The following SHCBP1L variants were observed in gnomAD, a reference collection of about 807,000 sequenced individuals.
The protein encoded by SHCBP1L is testicular spindle-associated protein SHCBP1L.
A neutral mutation model predicts 62.5 loss-of-function variants in SHCBP1L; 67 were observed. That is an observed-to-expected ratio of 1.07 (90% CI 0.88 to 1.31). The LOEUF (loss-of-function observed/expected upper bound fraction) is 1.31, where lower values mean the gene tolerates loss of function less well. Ranked by LOEUF, SHCBP1L falls within the 40% of genes most tolerant of loss-of-function variation. SHCBP1L has a pLI of 0.00. For synonymous variants in SHCBP1L, 284 were observed against 289.4 expected (o/e 0.98, Z 0.19); for missense variants, 823 against 809.8 (o/e 1.02, Z -0.20).
intron 5 of SHCBP1L, among the ~76,000 whole-genome samples, chr1:182,931,068 CTT>C (rs1437060828): frequency 2.0e-5 from 3 of 151,836 alleles, no homozygotes; most frequent in Admixed American, 6.6e-5. Flanking sequence ...TTTTGTAAAA[CTT>C]ATGATTTCAG....
chr1:182,920,472 G>GA (rs1425696836), intron 6 of SHCBP1L, among the ~76,000 whole-genome samples: 1 of 152,148 alleles, frequency 6.6e-6, no homozygotes, highest in African/African-American at 2.4e-5. Context: ...AAGCAGATGC[G>GA]AAAAAAGCAG....
intron 5 of SHCBP1L, 42 bp downstream of exon 5, chr1:182,939,134 A>G: frequency 2.1e-6 from 3 of 1,461,906 alleles, no homozygotes; most frequent in Non-Finnish European, 2.8e-6. Context: ...AATAATAACC[A>G]TGTAAACTTT....
intron 6 of SHCBP1L, among the ~76,000 whole-genome samples, chr1:182,915,081 GA>G (rs1410784970): frequency 7.5e-6 from 1 of 133,856 alleles, no homozygotes; most frequent in East Asian, 2.6e-4. Flanking sequence ...AGAATCACTT[GA>G]ACCTGGGAGG....
chr1:182,940,102 C>A lies in SHCBP1L; in HGVS notation c.770+227G>T, dbSNP rs1308173165. Among the ~76,000 whole-genome samples, 4 of 151,840 alleles carry A rather than the reference C, an allele frequency of 2.6e-5. No individual in the cohort carries two copies. The East Asian group carries it at 7.7e-4, about 29-fold the overall frequency. Reference sequence around the variant, plus strand: ...ATTTTATTTTTATAAAATGCAAGATCAAAAAATTGCAAACTTTTCATTACC... The same window carrying A: ...ATTTTATTTTTATAAAATGCAAGATAAAAAAATTGCAAACTTTTCATTACC... On this transcript the variant is annotated intron_variant, in intron 3 of 9. Coordinates refer to ENST00000367547, the MANE Select transcript of SHCBP1L (RefSeq NM_030933.4).
chr1:182,944,911 A>G (rs1476708233), intron 2 of SHCBP1L, among the ~76,000 whole-genome samples: 1 of 151,426 alleles, frequency 6.6e-6, no homozygotes, highest in Admixed American at 6.6e-5. Flanking sequence ...CCAGCAGTCA[A>G]TAATTGTATT....
rs1358048882 is a variant in SHCBP1L, at chr1:182,953,073, T to G, written c.61A>C (p.Arg21=). The change falls in exon 1 of 10, where the codon AGG becomes CGG. Residue 21 remains arginine, a synonymous_variant. Coordinates refer to ENST00000367547, the MANE Select transcript of SHCBP1L (RefSeq NM_030933.4). ...ADSFRTISPD[R]RGEKSASAVS... ...GCGGAGGCGGACTTCTCGCCTCGCC[T>G]GTCCGGGCTGATGGTGCGGAATGAG... 6.4e-7 allele frequency: 1 copy of G among 1,554,306 alleles called. No homozygotes were observed. The highest frequency in any genetic ancestry group is 1.9e-5 in the Admixed American group (1 of 53,874).
In SHCBP1L at chr1:182,924,770, AAGAAAGAAAGAAAGAAAG is replaced by A. The variant is rs1251400555; in HGVS notation, c.1182+4859_1182+4876del. On this transcript the variant is annotated intron_variant, in intron 6 of 9. Transcript: ENST00000367547. Reference sequence around the variant, plus strand: ...AAAGAAAGAAAGAAAGAAAGAAAGAAAGAAAGAAAGAAAGAAAGAGAGAAAGAAAGGAAGGAAGGAAGG... The same window carrying A: ...AAAGAAAGAAAGAAAGAAAGAAAGAAAGAGAAAGAAAGGAAGGAAGGAAGG... Among the ~76,000 whole-genome samples the A allele has an allele frequency of 8.2e-3, 903 of 110,514 alleles. 70 individuals are homozygous for A. The highest frequency in any genetic ancestry group is 0.03 in the African/African-American group (554 of 18,360). The allele number at this position is 110,514 out of a possible 152,430, so 72.5% of individuals were successfully genotyped here.
At chr1:182,918,956 T>C (rs1375407474) in intron 6 of SHCBP1L, among the ~76,000 whole-genome samples, 1 of 152,140 alleles carries the variant, frequency 6.6e-6, no homozygotes, top group African/African-American at 2.4e-5. Flanking sequence ...TGCAAAAGGA[T>C]AAAGCTGAAC....
chr1:182,949,414 C>T (rs1571362223), intron 2 of SHCBP1L, among the ~76,000 whole-genome samples: 1 of 152,084 alleles, frequency 6.6e-6, no homozygotes, highest in East Asian at 1.9e-4. Context: ...CAGAGTACTA[C>T]TGGCTGGGCA....
chr1:182,950,349 C>T (rs193241054), intron 2 of SHCBP1L, among the ~76,000 whole-genome samples: 1 of 152,152 alleles, frequency 6.6e-6, no homozygotes, highest in African/African-American at 2.4e-5. Flanking sequence ...TTATTAGGGC[C>T]GGGTGCAGTG....
chr1:182,902,149 A>C (rs1464758093), intron 9 of SHCBP1L, among the ~76,000 whole-genome samples: 4 of 146,768 alleles, frequency 2.7e-5, no homozygotes, highest in African/African-American at 1.0e-4. Context: ...TCTCGAGTTC[A>C]AGTGATTCTC....
chr1:182,938,311 T>C lies in SHCBP1L; in HGVS notation c.1076+865A>G, dbSNP rs10911165. On this transcript the variant is annotated intron_variant, in intron 5 of 9. Transcript: ENST00000367547. ...TAGTAGAGATGGGGTTTCTCCATGT[T>C]GAGGCTGGTCTCAAACTCCTGACCT... 5.5e-3 allele frequency among the ~76,000 whole-genome samples: 839 copies of C among 152,276 alleles called. 11 individuals are homozygous for C. Among genetic ancestry groups the C allele is most frequent in the African/African-American group, 0.019 (801 of 41,560 alleles).
intron 6 of SHCBP1L, among the ~76,000 whole-genome samples, chr1:182,910,076 G>C (rs190277339): frequency 1.7e-3 from 264 of 152,330 alleles, no homozygotes; most frequent in Non-Finnish European, 3.1e-3. Flanking sequence ...AGGAAGGAGA[G>C]AGTAGAGAGG....
intron 6 of SHCBP1L, among the ~76,000 whole-genome samples, chr1:182,918,856 C>G (rs1188426382): frequency 1.3e-5 from 2 of 152,090 alleles, no homozygotes; most frequent in Non-Finnish European, 2.9e-5. Flanking sequence ...CAATTATGGG[C>G]AAGTGATTTT....
At chr1:182,912,866 G>A (rs1206182816) in intron 6 of SHCBP1L, among the ~76,000 whole-genome samples, 1 of 151,800 alleles carries the variant, frequency 6.6e-6, no homozygotes, top group Non-Finnish European at 1.5e-5. Context: ...GCCAGGCACT[G>A]TGGCTCACGC....
intron 1 of SHCBP1L, 90 bp downstream of exon 1, chr1:182,952,639 C>A: frequency 7.0e-7 from 1 of 1,426,536 alleles, no homozygotes; most frequent in Non-Finnish European, 9.4e-7. Context: ...CCCTGTGGAT[C>A]CCCATCCGCC....
chr1:182,930,618 T>A (rs1408979392), intron 5 of SHCBP1L, among the ~76,000 whole-genome samples: 1 of 133,692 alleles, frequency 7.5e-6, no homozygotes, highest in Non-Finnish European at 1.6e-5. Context: ...TATATATATA[T>A]TTTTTATTAA....
At chr1:182,910,654 T>C (rs771348186) in intron 6 of SHCBP1L, among the ~76,000 whole-genome samples, 1 of 152,154 alleles carries the variant, frequency 6.6e-6, no homozygotes, top group African/African-American at 2.4e-5. Context: ...AGGAAATCAG[T>C]AGTGAAATGC....
chr1:182,952,103 C>T (rs1651762887), intron 1 of SHCBP1L: 2 of 131,746 alleles, frequency 1.5e-5, no homozygotes, highest in South Asian at 5.2e-4. Flanking sequence ...TTGTGTGAGC[C>T]GAGATTGCCC....
Sources: gnomAD v4.1 joint callset for allele counts (sites outside exome capture counted in the v4.1 genomes callset) on GRCh38, gnomAD v4.1.1 for gene constraint, MANE v1.5 for transcripts, NCBI Gene and HGNC (gene_info 2026-07-23, HGNC 2026-07-21) for gene names.